Variants in CEP192 observed in about 807,000 individuals in gnomAD.
The protein encoded by CEP192 is centrosomal protein of 192 kDa.
A neutral mutation model predicts 271.8 loss-of-function variants in CEP192; 151 were observed. That is an observed-to-expected ratio of 0.56 (90% CI 0.49 to 0.64). The LOEUF is 0.64. CEP192 is among the 30% of genes least tolerant of loss of function. CEP192 has a pLI of 0.00. For synonymous variants in CEP192, 995 were observed against 1,076.5 expected (o/e 0.92, Z 1.48); for missense variants, 2,910 against 3,020.5 (o/e 0.96, Z 0.86).
At position 12,999,401 on chromosome 18, in the gene CEP192, A is replaced by C. The variant is rs1303548007; in HGVS notation, c.-4-20A>C. 6.0e-6 allele frequency: 9 copies of C among 1,495,492 alleles called. No homozygotes were observed. The East Asian group carries it at 2.3e-4, about 38-fold the overall frequency. 92.6% of individuals were successfully genotyped at this position (1,495,492 alleles called of 1,614,324 possible). On this transcript the variant is annotated intron_variant, in intron 1 of 44. Transcript: ENST00000506447. ...TTTTATAGTAATATGTGACCTATAG[A>C]AATACTTTTGTTATTGCAGTGAGAT... is the stretch of plus-strand genomic sequence containing the variant.
At chr18:13,118,088 G>A (rs924319438) in intron 44 of CEP192, among the ~76,000 whole-genome samples, 12 of 152,166 alleles carry the variant, frequency 7.9e-5, no homozygotes, top group African/African-American at 2.9e-4. Flanking sequence ...CCATTCTTTA[G>A]ACACTCCTTA....
chr18:13,107,727 ATTG>A (rs1443934932), intron 40 of CEP192, among the ~76,000 whole-genome samples: 1 of 152,202 alleles, frequency 6.6e-6, no homozygotes, highest in Admixed American at 6.5e-5. Context: ...CTCCAATTGA[ATTG>A]TTTTTATTTT....
At chr18:13,095,451 T>C in intron 34 of CEP192, 52 bp from the exon 35 acceptor site, 7 of 1,392,528 alleles carry the variant, frequency 5.0e-6, no homozygotes, top group Non-Finnish European at 6.9e-6. Flanking sequence ...ATTTTTAACT[T>C]CTCAGTCTCT....
At chr18:13,104,921 GTC>G in intron 39 of CEP192, 61 bp from the exon 40 acceptor site, 2 of 1,180,548 alleles carry the variant, frequency 1.7e-6, no homozygotes, top group East Asian at 2.3e-5. Flanking sequence ...AGGTAATAGT[GTC>G]TCTGTGGGAT....
At chr18:13,060,395 T>C (rs770540138) in intron 21 of CEP192, among the ~76,000 whole-genome samples, 14 of 152,214 alleles carry the variant, frequency 9.2e-5, no homozygotes, top group Non-Finnish European at 1.8e-4. Flanking sequence ...AGTTGCTCTC[T>C]GTGAGTCAGT....
At chr18:13,080,736 C>G (rs2038558364) in intron 30 of CEP192, among the ~76,000 whole-genome samples, 1 of 152,162 alleles carries the variant, frequency 6.6e-6, no homozygotes. Context: ...GGGAATGCTT[C>G]CAGTTTTTGC....
chr18:13,039,331 T>A (rs921243584), intron 13 of CEP192, among the ~76,000 whole-genome samples: 1 of 151,972 alleles, frequency 6.6e-6, no homozygotes, highest in Non-Finnish European at 1.5e-5. Flanking sequence ...GGTGCGTGGC[T>A]GTAATCCCAG....
chr18:13,115,270 A>G (rs1203442882), intron 42 of CEP192, among the ~76,000 whole-genome samples: 3 of 152,208 alleles, frequency 2.0e-5, no homozygotes, highest in African/African-American at 7.2e-5. Flanking sequence ...GCTGCGGGGA[A>G]ACAAACGAGA....
At position 13,030,492 on chromosome 18, in the gene CEP192, A is replaced by G. The variant is rs535040587; in HGVS notation, c.1418A>G (p.Tyr473Cys). 5.0e-6 allele frequency: 8 copies of G among 1,611,412 alleles called. No homozygotes were observed. Among genetic ancestry groups the G allele is most frequent in the South Asian group, 2.2e-5 (2 of 90,814 alleles). The change falls in exon 11 of 45, where the codon TAT (tyrosine) becomes TGT (cysteine). Residue 473 changes from tyrosine (Y) to cysteine (C), a missense_variant. By Grantham distance (194) the Tyr-to-Cys change is radical. Coordinates refer to ENST00000506447, the MANE Select transcript of CEP192 (RefSeq NM_032142.4). Reference sequence around the variant, plus strand: ...ACAGATCTCCCACAGAGTGTGGTCTATCAAAATGAAGAGGGTAGGTGGGTC... The same window carrying G: ...ACAGATCTCCCACAGAGTGTGGTCTGTCAAAATGAAGAGGGTAGGTGGGTC... Reference protein sequence around the residue: ...DKTDLPQSVVYQNEEGRWVTD... With the variant: ...DKTDLPQSVVCQNEEGRWVTD...
chr18:13,018,663 T>C (rs905950663), intron 8 of CEP192, 48 bp downstream of exon 8: 3 of 1,283,248 alleles, frequency 2.3e-6, no homozygotes, highest in Non-Finnish European at 3.1e-6. Context: ...TAGTTTTGAC[T>C]TTACTTTTTT....
chr18:13,009,019 T>G lies in CEP192; in HGVS notation c.466+388T>G, dbSNP rs557017113. Among the ~76,000 whole-genome samples the G allele has an allele frequency of 1.4e-3, 204 of 150,538 alleles. 4 individuals carry two copies. The highest frequency in any genetic ancestry group is 4.7e-3 in the African/African-American group (191 of 41,000). Reference sequence around the variant, plus strand: ...CCACTGTGCCTGGCCTTTTTGTTTTTTTTTTTTTTTTTGCTTAATTTTGAG... The same window carrying G: ...CCACTGTGCCTGGCCTTTTTGTTTTGTTTTTTTTTTTTGCTTAATTTTGAG... On this transcript the variant is annotated intron_variant, in intron 4 of 44. Coordinates refer to ENST00000506447, the MANE Select transcript of CEP192 (RefSeq NM_032142.4).
At chr18:13,007,390 C>T (rs555551421) in intron 3 of CEP192, among the ~76,000 whole-genome samples, 4 of 152,128 alleles carry the variant, frequency 2.6e-5, no homozygotes, top group Admixed American at 6.5e-5. Flanking sequence ...TGGTGAATGT[C>T]GAGTGCCCTG....
At chr18:13,007,609 T>C (rs759724049) in intron 3 of CEP192, among the ~76,000 whole-genome samples, 1 of 152,190 alleles carries the variant, frequency 6.6e-6, no homozygotes, top group Non-Finnish European at 1.5e-5. Context: ...TGCCTTTCCT[T>C]TCCTGTACTC....
rs564675337 is a variant in CEP192 at position 12,997,288 on chromosome 18, A to G, written c.-4-2133A>G. Among the ~76,000 whole-genome samples the G allele has an allele frequency of 4.6e-5, 7 of 152,260 alleles. No homozygotes were observed. In the East Asian group the frequency reaches 1.4e-3, roughly 29 times the overall value. ...GGTGCACCGGCCCAGTCGGATTAAC[A>G]TCCAAAAAGTCTGAGCCCTGAACAA... On this transcript the variant is annotated intron_variant, in intron 1 of 44. Coordinates refer to ENST00000506447, the MANE Select transcript of CEP192 (RefSeq NM_032142.4).
intron 34 of CEP192, among the ~76,000 whole-genome samples, chr18:13,093,207 C>T (rs992038928): frequency 6.6e-6 from 1 of 152,140 alleles, no homozygotes; most frequent in Non-Finnish European, 1.5e-5. Context: ...ATGGAAAACT[C>T]ATCCAAATTA....
Position 13,049,364 on chromosome 18 carries a change from T to C in CEP192, c.2573T>C (p.Phe858Ser), listed in dbSNP as rs373231106. ...GGAGAGAGTGAGAATCAAGAGTCAT[T>C]TAGAACCATAAACTCCTCAAATTCA... Reference protein sequence around the residue: ...ENGESENQESFRTINSSNSVT... With the variant: ...ENGESENQESSRTINSSNSVT... The change falls in exon 16 of 45, where the codon TTT becomes TCT. Residue 858 changes from phenylalanine to serine, a missense_variant. Coordinates refer to ENST00000506447, the MANE Select transcript of CEP192 (RefSeq NM_032142.4). The C allele has an allele frequency of 3.1e-6, 5 of 1,613,940 alleles. No homozygotes were observed. The highest frequency in any genetic ancestry group is 4.2e-6 in the Non-Finnish European group (5 of 1,180,004).
In CEP192 at chr18:13,072,583, A is replaced by G. The variant is rs111281581; in HGVS notation, c.5349-172A>G. ...CTATAAGGTGAGTCTTGAGCCTACAATTTCAGAAACGTAGAGCCTAGGACT... is the reference window on the plus strand; with the variant it reads ...CTATAAGGTGAGTCTTGAGCCTACAGTTTCAGAAACGTAGAGCCTAGGACT... On this transcript the variant is annotated intron_variant, in intron 28 of 44. Transcript: ENST00000506447. Among the ~76,000 whole-genome samples, 1,097 of 152,348 alleles carry G rather than the reference A, an allele frequency of 7.2e-3. 14 individuals carry two copies. Among genetic ancestry groups the G allele is most frequent in the Middle Eastern group, 0.02 (6 of 294 alleles).
Position 13,114,263 on chromosome 18 carries a change from T to A in CEP192, c.7289+12T>A. ...GCTCGCATACCTGAGTATGTTGTTT[T>A]TGTCATTCTTATGAGTTTTTTCCCA... On this transcript the variant is annotated intron_variant, in intron 42 of 44. Coordinates refer to ENST00000506447, the MANE Select transcript of CEP192 (RefSeq NM_032142.4). The A allele has an allele frequency of 6.2e-7, 1 of 1,608,858 alleles. No individual in the cohort carries two copies. The highest frequency in any genetic ancestry group is 8.5e-7 in the Non-Finnish European group (1 of 1,178,678).
chr18:13,124,919 C>G lies in CEP192; in HGVS notation c.*149C>G. ...TGTTTTTACAAGCTAATACTGAAGA[C>G]TCGACTGAAATATTATGTATCTAGC... On this transcript the variant is annotated 3_prime_UTR_variant, in exon 45 of 45. Coordinates refer to ENST00000506447, the MANE Select transcript of CEP192 (RefSeq NM_032142.4). The G allele has an allele frequency of 1.6e-6, 1 of 624,880 alleles. No individual in the cohort carries two copies. The highest frequency in any genetic ancestry group is 3.0e-5 in the Admixed American group (1 of 33,674). 38.7% of individuals were successfully genotyped at this position (624,880 alleles called of 1,614,324 possible). A position where few individuals can be genotyped will look rare whatever the true frequency, so the allele number is the denominator to read the frequency against.
Sources: allele counts gnomAD v4.1 joint callset (sites outside exome capture counted in the v4.1 genomes callset), GRCh38; gene constraint gnomAD v4.1.1; transcripts MANE v1.5; gene names NCBI Gene and HGNC (gene_info 2026-07-23, HGNC 2026-07-21).